FBXL17: variants seen among roughly 807,000 people sequenced by gnomAD.
The protein encoded by FBXL17 is F-box/LRR-repeat protein 17.
A neutral mutation model predicts 66.2 loss-of-function variants in FBXL17; 22 were observed. The observed-to-expected ratio is 0.33, with a 90% CI of 0.24 to 0.47. The LOEUF is 0.47. Ranked by LOEUF, FBXL17 falls within the 20% of genes least tolerant of loss-of-function variation. The pLI is 1.00. For missense variants in FBXL17, 878 were observed against 948.2 expected, an observed-to-expected ratio of 0.93 and a Z score of 0.97; for synonymous variants, 474 against 400.5, an observed-to-expected ratio of 1.18 and a Z score of -2.19.
At chr5:107,897,864 C>T (rs903913997) in intron 7 of FBXL17, among the ~76,000 whole-genome samples, 2 of 149,564 alleles carry the variant, frequency 1.3e-5, no homozygotes, top group African/African-American at 4.9e-5. Context: ...GGATTTATGA[C>T]AGGGCCAATC....
At chr5:108,294,306 C>T (rs1049790245) in intron 4 of FBXL17, among the ~76,000 whole-genome samples, 3 of 146,652 alleles carry the variant, frequency 2.0e-5, no homozygotes, top group Admixed American at 6.8e-5. Context: ...TATATATATA[C>T]ACTTACTGAC....
intron 5 of FBXL17, among the ~76,000 whole-genome samples, chr5:108,204,679 AAT>A (rs1308864497): frequency 2.0e-5 from 3 of 152,186 alleles, no homozygotes; most frequent in Non-Finnish European, 2.9e-5. Flanking sequence ...CATATAAAAT[AAT>A]ATATGTTAAT....
chr5:108,378,704 G>C (rs571100788), intron 1 of FBXL17, among the ~76,000 whole-genome samples: 1 of 152,262 alleles, frequency 6.6e-6, no homozygotes, highest in East Asian at 1.9e-4. Context: ...TTCACCCTGA[G>C]TCTCAGCACA....
chr5:108,124,881 A>C (rs996025007), intron 6 of FBXL17, among the ~76,000 whole-genome samples: 1 of 152,048 alleles, frequency 6.6e-6, no homozygotes, highest in African/African-American at 2.4e-5. Context: ...ACATAGTAAA[A>C]AATTTAGCTA....
intron 4 of FBXL17, among the ~76,000 whole-genome samples, chr5:108,248,368 C>G (rs1756200593): frequency 1.3e-5 from 2 of 152,124 alleles, no homozygotes; most frequent in Non-Finnish European, 1.5e-5. Flanking sequence ...ACAGAGGAGT[C>G]AGTGAACCTG....
chr5:107,877,708 G>A (rs1748655685), intron 8 of FBXL17, among the ~76,000 whole-genome samples: 1 of 152,018 alleles, frequency 6.6e-6, no homozygotes, highest in African/African-American at 2.4e-5. Flanking sequence ...GGTTTGTTGA[G>A]TAGATGCTGA....
chr5:108,224,815 A>G (rs1294995246), intron 4 of FBXL17, among the ~76,000 whole-genome samples: 1 of 151,826 alleles, frequency 6.6e-6, no homozygotes, highest in Non-Finnish European at 1.5e-5. Context: ...TTTAGTGGAG[A>G]CGGGGTTTCA....
intron 7 of FBXL17, among the ~76,000 whole-genome samples, chr5:107,946,255 T>TTTTTA (rs1208616623): frequency 2.5e-5 from 1 of 40,398 alleles, no homozygotes; most frequent in African/African-American, 1.2e-4. Context: ...CAATCTCATT[T>TTTTTA]TATATATATA....
chr5:107,965,809 A>G (rs1752106867), intron 7 of FBXL17, among the ~76,000 whole-genome samples: 1 of 152,162 alleles, frequency 6.6e-6, no homozygotes, highest in Admixed American at 6.6e-5. Flanking sequence ...CAGATACATA[A>G]TTACTGGAGG....
At chr5:108,283,366 A>C (rs539697790) in intron 4 of FBXL17, among the ~76,000 whole-genome samples, 2 of 152,076 alleles carry the variant, frequency 1.3e-5, no homozygotes, top group South Asian at 4.1e-4. Context: ...TCAATGGAAC[A>C]GAATACAGAA....
In FBXL17 at chr5:108,312,178, G is replaced by C. The variant is rs186975523; in HGVS notation, c.1506+36221C>G. Among the ~76,000 whole-genome samples the C allele has an allele frequency of 2.8e-3, 431 of 152,208 alleles. 3 individuals are homozygous for C. The highest frequency in any genetic ancestry group is 9.6e-3 in the African/African-American group (399 of 41,530). ...TTATGTAAAAGGCTATTGCAGAACA[G>C]ATTAGGAGCCCATTACATAAAACAT... On this transcript the variant is annotated intron_variant, in intron 4 of 8. Transcript: ENST00000542267.
At chr5:108,141,793 C>G (rs867981850) in intron 6 of FBXL17, among the ~76,000 whole-genome samples, 1 of 152,162 alleles carries the variant, frequency 6.6e-6, no homozygotes, top group Non-Finnish European at 1.5e-5. Flanking sequence ...TTGTTCTGTG[C>G]CCCAGGCCTG....
At chr5:108,218,972 CT>C (rs1554076077) in intron 5 of FBXL17, among the ~76,000 whole-genome samples, 1 of 152,062 alleles carries the variant, frequency 6.6e-6, no homozygotes, top group Non-Finnish European at 1.5e-5. Context: ...GCCTAATCAA[CT>C]TTGCTTTTCT....
At chr5:108,199,760 C>T (rs1049378011) in intron 5 of FBXL17, among the ~76,000 whole-genome samples, 7 of 151,814 alleles carry the variant, frequency 4.6e-5, no homozygotes, top group Middle Eastern at 3.4e-3. Context: ...ATGAAAGAAA[C>T]GCAGAATGAC....
At chr5:108,259,276 T>C (rs1173144618) in intron 4 of FBXL17, among the ~76,000 whole-genome samples, 1 of 152,214 alleles carries the variant, frequency 6.6e-6, no homozygotes, top group Non-Finnish European at 1.5e-5. Context: ...CGATATGGGA[T>C]ATGATGGTTT....
At chr5:108,380,118 C>G (rs761514073) in intron 1 of FBXL17, among the ~76,000 whole-genome samples, 29 of 152,328 alleles carry the variant, frequency 1.9e-4, no homozygotes, top group Middle Eastern at 3.4e-3. Context: ...GCCTGACTCA[C>G]TACTATAAAC....
At chr5:107,904,683 T>C (rs757502753) in intron 7 of FBXL17, among the ~76,000 whole-genome samples, 4 of 152,180 alleles carry the variant, frequency 2.6e-5, no homozygotes, top group Non-Finnish European at 5.9e-5. Context: ...GGCTCCTTAA[T>C]GGAATATTTA....
intron 7 of FBXL17, among the ~76,000 whole-genome samples, chr5:107,986,777 C>T (rs1219135060): frequency 6.6e-6 from 1 of 151,884 alleles, no homozygotes; most frequent in Non-Finnish European, 1.5e-5. Flanking sequence ...CTGTACAACC[C>T]TATTTATAAT....
At chr5:107,898,355 C>T (rs1749451439) in intron 7 of FBXL17, among the ~76,000 whole-genome samples, 1 of 152,102 alleles carries the variant, frequency 6.6e-6, no homozygotes, top group Admixed American at 6.5e-5. Flanking sequence ...CCTCTTCCTC[C>T]TCTGCCACCC....
Sources: allele counts gnomAD v4.1 joint callset (sites outside exome capture counted in the v4.1 genomes callset), GRCh38; gene constraint gnomAD v4.1.1; transcripts MANE v1.5; gene names NCBI Gene and HGNC (gene_info 2026-07-23, HGNC 2026-07-21).